RORB: variants seen among roughly 807,000 people sequenced by gnomAD.
The protein encoded by RORB is nuclear receptor ROR-beta.
RORB carries 6 observed loss-of-function variants against 59.1 expected under a neutral mutation model. The ratio of observed to expected loss-of-function variants is 0.10; its 90% CI spans 0.06 to 0.20. RORB has a LOEUF of 0.20. RORB is among the 10% of genes least tolerant of loss of function. The pLI is 1.00. For synonymous variants in RORB, 215 were observed against 204.5 expected (o/e 1.05, Z -0.44); for missense variants, 320 against 560.5 (o/e 0.57, Z 4.33).
Position 74,614,088 on chromosome 9 carries a change from C to T in RORB, c.8-16194C>T, listed in dbSNP as rs914172628. 2.6e-5 allele frequency among the ~76,000 whole-genome samples: 4 copies of T among 152,182 alleles called. No individual in the cohort carries two copies. The South Asian group carries it at 6.2e-4, about 24-fold the overall frequency. Reference sequence around the variant, plus strand: ...TGATTTGTTTTCCTTTGGGTATATACCCAATAATGGGATTGCTGGGTTGAA... The same window carrying T: ...TGATTTGTTTTCCTTTGGGTATATATCCAATAATGGGATTGCTGGGTTGAA... On this transcript the variant is annotated intron_variant, in intron 1 of 9. Coordinates refer to ENST00000376896, the MANE Select transcript of RORB (RefSeq NM_006914.4).
chr9:74,557,777 G>T (rs1661134862), intron 1 of RORB, among the ~76,000 whole-genome samples: 1 of 151,940 alleles, frequency 6.6e-6, no homozygotes, highest in Non-Finnish European at 1.5e-5. Flanking sequence ...CACACAAATT[G>T]CAACAAGCAG....
At chr9:74,570,992 T>C (rs1372903047) in intron 1 of RORB, among the ~76,000 whole-genome samples, 1 of 151,240 alleles carries the variant, frequency 6.6e-6, no homozygotes. Flanking sequence ...TATATTATAA[T>C]TAAATGATTG....
At chr9:74,598,148 G>A (rs561050416) in intron 1 of RORB, among the ~76,000 whole-genome samples, 2 of 151,872 alleles carry the variant, frequency 1.3e-5, no homozygotes, top group Non-Finnish European at 2.9e-5. Context: ...TCTGCAACTC[G>A]AACTCACTCT....
chr9:74,666,458 TA>T (rs541144093), intron 7 of RORB, among the ~76,000 whole-genome samples: 316 of 140,446 alleles, frequency 2.2e-3, no homozygotes, highest in African/African-American at 4.5e-3. Context: ...GAGACCCTGT[TA>T]AAAAAAAAAA....
intron 1 of RORB, among the ~76,000 whole-genome samples, chr9:74,629,472 T>C (rs758035421): frequency 1.1e-4 from 17 of 151,840 alleles, no homozygotes; most frequent in Non-Finnish European, 2.1e-4. Context: ...TCCACAATCA[T>C]CCCAGGCCTC....
intron 1 of RORB, among the ~76,000 whole-genome samples, chr9:74,556,307 C>G (rs566906585): frequency 6.6e-6 from 1 of 152,174 alleles, no homozygotes; most frequent in South Asian, 2.1e-4. Context: ...TGCTGTAGGT[C>G]GTAGGACCCT....
chr9:74,652,397 A>G (rs865903784), intron 4 of RORB, among the ~76,000 whole-genome samples: 4 of 152,128 alleles, frequency 2.6e-5, no homozygotes, highest in African/African-American at 7.2e-5. Context: ...ACAGATCAAG[A>G]CTCCAACTCA....
intron 4 of RORB, among the ~76,000 whole-genome samples, chr9:74,652,184 A>T (rs1563964670): frequency 6.6e-6 from 1 of 152,194 alleles, no homozygotes; most frequent in East Asian, 1.9e-4. Context: ...AGGCGGGCAG[A>T]TCATCTGAGG....
chr9:74,656,172 G>C (rs898862995), intron 4 of RORB, among the ~76,000 whole-genome samples: 3 of 152,130 alleles, frequency 2.0e-5, no homozygotes, highest in Admixed American at 1.3e-4. Context: ...AGAATGGATA[G>C]ACAGATGGAC....
At chr9:74,597,372 A>G (rs940892928) in intron 1 of RORB, among the ~76,000 whole-genome samples, 6 of 152,262 alleles carry the variant, frequency 3.9e-5, no homozygotes, top group African/African-American at 1.2e-4. Context: ...GTAGAGAGGC[A>G]CTGGCCAATA....
At chr9:74,583,762 A>G (rs1260527272) in intron 1 of RORB, among the ~76,000 whole-genome samples, 1 of 152,224 alleles carries the variant, frequency 6.6e-6, no homozygotes, top group Admixed American at 6.5e-5. Flanking sequence ...AATATTATTT[A>G]GCACTAACCC....
chr9:74,630,011 C>CA (rs1232469674), intron 1 of RORB, among the ~76,000 whole-genome samples: 1 of 152,162 alleles, frequency 6.6e-6, no homozygotes, highest in Non-Finnish European at 1.5e-5. Flanking sequence ...AAGGAGAAAA[C>CA]AGTGAATGCA....
chr9:74,586,016 A>T (rs888800630), intron 1 of RORB, among the ~76,000 whole-genome samples: 1 of 151,736 alleles, frequency 6.6e-6, no homozygotes, highest in Non-Finnish European at 1.5e-5. Context: ...GGATGGTCTC[A>T]ATCTCCTGAC....
At chr9:74,507,477 A>G (rs1054204088) in intron 1 of RORB, among the ~76,000 whole-genome samples, 2 of 152,036 alleles carry the variant, frequency 1.3e-5, no homozygotes, top group African/African-American at 2.4e-5. Flanking sequence ...AAAAAGTTTC[A>G]TTTCACCTCT....
chr9:74,531,923 A>G, intron 1 of RORB, among the ~76,000 whole-genome samples: 1 of 151,976 alleles, frequency 6.6e-6, no homozygotes, highest in East Asian at 1.9e-4. Flanking sequence ...AATCATTGCC[A>G]TTTAAAGTTA....
At position 74,651,008 on chromosome 9, in the gene RORB, C is replaced by T. The variant is rs565377522; in HGVS notation, c.637+8193C>T. ...TGGTGAAAATCAATCCTAGTGATGGCCCTGAGCAATTTTCATAATGAGATT... is the reference window on the plus strand; with the variant it reads ...TGGTGAAAATCAATCCTAGTGATGGTCCTGAGCAATTTTCATAATGAGATT... On this transcript the variant is annotated intron_variant, in intron 4 of 9. Coordinates refer to ENST00000376896, the MANE Select transcript of RORB (RefSeq NM_006914.4). Among the ~76,000 whole-genome samples, 705 of 152,194 alleles carry T rather than the reference C, an allele frequency of 4.6e-3. 5 individuals are homozygous for T. Among genetic ancestry groups the T allele is most frequent in the African/African-American group, 0.016 (678 of 41,512 alleles).
chr9:74,536,970 T>C (rs114544356), intron 1 of RORB, among the ~76,000 whole-genome samples: 1 of 152,164 alleles, frequency 6.6e-6, no homozygotes, highest in African/African-American at 2.4e-5. Context: ...CTCATACAGT[T>C]TACTTATTTG....
chr9:74,576,256 T>G (rs2118241258), intron 1 of RORB, among the ~76,000 whole-genome samples: 1 of 152,260 alleles, frequency 6.6e-6, no homozygotes, highest in South Asian at 2.1e-4. Flanking sequence ...CTTTTGTGGA[T>G]GCATGTTAGA....
In RORB at chr9:74,662,623, A is replaced by G; in HGVS notation, c.892+17A>G. 1 of 1,611,796 alleles carries G rather than the reference A, an allele frequency of 6.2e-7. No individual in the cohort carries two copies. Among genetic ancestry groups the G allele is most frequent in the Non-Finnish European group, 8.5e-7 (1 of 1,179,750 alleles). ...TGAAGTCAGGTAAGCAAGAAGATTC[A>G]TGGGAGGCCTATTTCAGATAAGGAT... On this transcript the variant is annotated intron_variant, in intron 6 of 9. Transcript: ENST00000376896.
Sources: allele counts gnomAD v4.1 joint callset (sites outside exome capture counted in the v4.1 genomes callset), GRCh38; gene constraint gnomAD v4.1.1; transcripts MANE v1.5; gene names NCBI Gene and HGNC (gene_info 2026-07-23, HGNC 2026-07-21).